The following PDE5A variants were observed in gnomAD, a reference collection of about 807,000 sequenced individuals.
PDE5A encodes phosphodiesterase 5A, also known as cGMP-specific 3',5'-cyclic phosphodiesterase.
In PDE5A, 67 loss-of-function variants were observed where a neutral mutation model predicts 110.2. The observed-to-expected ratio is 0.61, with a 90% CI of 0.50 to 0.75. The LOEUF (loss-of-function observed/expected upper bound fraction) is 0.75. Among genes scored for constraint, PDE5A ranks in the 30% least tolerant of loss-of-function variants. The pLI is 0.00. For synonymous variants in PDE5A, 328 were observed against 351.2 expected (o/e 0.93, Z 0.74); for missense variants, 862 against 1,045.1 (o/e 0.82, Z 2.42).
intron 3 of PDE5A, among the ~76,000 whole-genome samples, chr4:119,574,878 C>T (rs180837217): frequency 6.6e-6 from 1 of 152,230 alleles, no homozygotes; most frequent in East Asian, 1.9e-4. Context: ...GTGGTGAGGA[C>T]TGATTAGGGA....
At chr4:119,528,773 G>C (rs1726420031) in intron 11 of PDE5A, 1 of 152,074 alleles carries the variant, frequency 6.6e-6, no homozygotes, top group Non-Finnish European at 1.5e-5. Context: ...CCTCACTCTG[G>C]AACCAAATGC....
At chr4:119,620,010 A>C (rs1006196399) in intron 1 of PDE5A, among the ~76,000 whole-genome samples, 7 of 152,194 alleles carry the variant, frequency 4.6e-5, no homozygotes, top group African/African-American at 1.7e-4. Flanking sequence ...TAGATTTTCC[A>C]TCACATGGAT....
chr4:119,625,885 T>C (rs1730330518), intron 1 of PDE5A, among the ~76,000 whole-genome samples: 1 of 152,202 alleles, frequency 6.6e-6, no homozygotes, highest in Admixed American at 6.5e-5. Flanking sequence ...TGCCACCAAA[T>C]ATAAAACCAA....
rs1242174880 is a variant in PDE5A at position 119,525,311 on chromosome 4, A to T, written c.1779+238T>A. On this transcript the variant is annotated intron_variant, in intron 12 of 20. Transcript: ENST00000354960. The surrounding 1 kb of genome is among the most constrained non-coding windows in gnomAD (Gnocchi z 4.3). ...CTTTGAACATCCTGCTCCTATTTTT[A>T]GGAACACTCTCCCTTAGTCTTCACC... Among the ~76,000 whole-genome samples the T allele has an allele frequency of 2.0e-5, 3 of 152,024 alleles. No homozygotes were observed. The highest frequency in any genetic ancestry group is 2.9e-5 in the Non-Finnish European group (2 of 67,982).
At chr4:119,587,575 G>A (rs1426100773) in intron 3 of PDE5A, among the ~76,000 whole-genome samples, 3 of 152,012 alleles carry the variant, frequency 2.0e-5, no homozygotes, top group South Asian at 2.1e-4. Context: ...TAGTAGAGAC[G>A]GGGTTTCACC....
At chr4:119,511,699 G>A (rs1208463651) in intron 14 of PDE5A, among the ~76,000 whole-genome samples, 3 of 151,984 alleles carry the variant, frequency 2.0e-5, no homozygotes, top group African/African-American at 7.2e-5. Flanking sequence ...GGAAGGAGAC[G>A]GCTGAGTTGG....
Position 119,562,947 on chromosome 4 carries a change from T to C in PDE5A, c.1017A>G (p.Leu339=), listed in dbSNP as rs764129450. 3.6e-5 allele frequency: 57 copies of C among 1,597,906 alleles called. No individual in the cohort carries two copies. The Admixed American group carries it at 9.6e-4, about 27-fold the overall frequency. The change falls in exon 6 of 21, where the codon TTA becomes TTG. Residue 339 remains leucine (L), a synonymous_variant. Coordinates refer to ENST00000354960, the MANE Select transcript of PDE5A (RefSeq NM_001083.4). ...CTAATGATTGTTGTTCTTCAAAAAT[T>C]AAACTAGCAAGGTCAAGCAGCACCT... ...RNQVLLDLAS[L]IFEEQQSLEV...
chr4:119,626,336 G>A (rs1730345029), intron 1 of PDE5A, among the ~76,000 whole-genome samples: 1 of 152,110 alleles, frequency 6.6e-6, no homozygotes, highest in Admixed American at 6.5e-5. Context: ...GTGTTGGTAG[G>A]TTCTGAAAAT....
At chr4:119,524,098 T>C (rs542036076) in intron 12 of PDE5A, among the ~76,000 whole-genome samples, 2 of 152,208 alleles carry the variant, frequency 1.3e-5, no homozygotes, top group South Asian at 4.1e-4. Flanking sequence ...ATATTATAGA[T>C]AAGTACATAC....
chr4:119,534,263 G>T (rs529493091), intron 11 of PDE5A, among the ~76,000 whole-genome samples: 2 of 152,114 alleles, frequency 1.3e-5, no homozygotes, highest in African/African-American at 2.4e-5. Context: ...ACTGGTACCC[G>T]ACCGTGGCTG....
At chr4:119,517,976 A>AAAC (rs958935821) in intron 14 of PDE5A, among the ~76,000 whole-genome samples, 1 of 152,306 alleles carries the variant, frequency 6.6e-6, no homozygotes, top group Non-Finnish European at 1.5e-5. Flanking sequence ...CAGTTCTCCA[A>AAAC]AACATGAGAT....
At chr4:119,588,011 C>T (rs1450188168) in intron 3 of PDE5A, among the ~76,000 whole-genome samples, 1 of 152,176 alleles carries the variant, frequency 6.6e-6, no homozygotes, top group Non-Finnish European at 1.5e-5. Flanking sequence ...ATAAACACAG[C>T]AGGGCACTTT....
intron 2 of PDE5A, among the ~76,000 whole-genome samples, chr4:119,598,125 TA>T (rs2110539138): frequency 6.6e-6 from 1 of 152,218 alleles, no homozygotes; most frequent in African/African-American, 2.4e-5. Context: ...AAAACATGAA[TA>T]AAAATACATC....
Position 119,562,923 on chromosome 4 carries a change from T to C in PDE5A, c.1041A>G (p.Leu347=). Residue 347 remains leucine (L), a synonymous_variant, in exon 6 of 21, where the codon TTA becomes TTG. Transcript: ENST00000354960. The part of the protein sequence containing the change: ...ASLIFEEQQS[L]EVILKKIAAT... ...CAGCTATTTTCTTCAAAATTACTTC[T>C]AATGATTGTTGTTCTTCAAAAATTA... 1 of 1,603,308 alleles carries C rather than the reference T, an allele frequency of 6.2e-7. No homozygotes were observed. Among genetic ancestry groups the C allele is most frequent in the Non-Finnish European group, 8.5e-7 (1 of 1,176,156 alleles).
intron 9 of PDE5A, chr4:119,548,464 T>C (rs1402363070): frequency 1.3e-5 from 2 of 152,238 alleles, no homozygotes; most frequent in African/African-American, 4.8e-5. Flanking sequence ...CAATGAAAGG[T>C]GATTCTTTAC....
At chr4:119,508,554 ATG>A (rs746018002) in intron 15 of PDE5A, among the ~76,000 whole-genome samples, 2 of 152,002 alleles carry the variant, frequency 1.3e-5, no homozygotes, top group Non-Finnish European at 2.9e-5. Flanking sequence ...ACTTCTGGGT[ATG>A]TTAGGCTGGG....
At chr4:119,532,349 AT>A in intron 11 of PDE5A, among the ~76,000 whole-genome samples, 1 of 152,276 alleles carries the variant, frequency 6.6e-6, no homozygotes, top group African/African-American at 2.4e-5. Context: ...AGAAGGAAGT[AT>A]GTTAGTAGCT....
intron 2 of PDE5A, among the ~76,000 whole-genome samples, chr4:119,599,579 G>A (rs774150443): frequency 3.3e-5 from 5 of 151,678 alleles, no homozygotes; most frequent in African/African-American, 4.8e-5. Context: ...ACAGCCCACC[G>A]AAAACAGCTG....
At chr4:119,602,474 T>G (rs1417733814) in intron 2 of PDE5A, among the ~76,000 whole-genome samples, 1 of 152,160 alleles carries the variant, frequency 6.6e-6, no homozygotes, top group African/African-American at 2.4e-5. Flanking sequence ...TGACAAATTA[T>G]AAGGCTGGTT....
Sources: allele counts gnomAD v4.1 joint callset (sites outside exome capture counted in the v4.1 genomes callset), GRCh38; gene constraint gnomAD v4.1.1; non-coding constraint Gnocchi (gnomAD v3.1); transcripts MANE v1.5; gene names NCBI Gene and HGNC (gene_info 2026-07-23, HGNC 2026-07-21).